The following DPP6 variants were observed in gnomAD, a reference collection of about 807,000 sequenced individuals.
DPP6 encodes dipeptidyl peptidase like 6.
DPP6 carries 69 observed loss-of-function variants against 122.6 expected under a neutral mutation model. The observed-to-expected ratio is 0.56, with a 90% CI of 0.46 to 0.69. The LOEUF is 0.69. Ranked by LOEUF, DPP6 falls within the 30% of genes least tolerant of loss-of-function variation. The pLI, the probability that DPP6 is intolerant of heterozygous loss-of-function variation, is 0.00. For synonymous variants in DPP6, 418 were observed against 433.1 expected (o/e 0.97, Z 0.43); for missense variants, 928 against 1,116.9 (o/e 0.83, Z 2.41).
chr7:154,860,181 GCGC>G (rs1803254735), intron 17 of DPP6, among the ~76,000 whole-genome samples: 1 of 152,136 alleles, frequency 6.6e-6, no homozygotes, highest in East Asian at 1.9e-4. Flanking sequence ...GTGCTGCTGG[GCGC>G]ACCCCTGCCC....
chr7:154,151,736 G>A (rs544372905), intron 1 of DPP6, among the ~76,000 whole-genome samples: 87 of 151,750 alleles, frequency 5.7e-4, no homozygotes, highest in South Asian at 1.9e-3. Context: ...AGTGCCTCCC[G>A]TCTCCCCTAC....
At chr7:154,711,594 T>G (rs1220980255) in intron 7 of DPP6, among the ~76,000 whole-genome samples, 2 of 152,242 alleles carry the variant, frequency 1.3e-5, no homozygotes, top group Non-Finnish European at 2.9e-5. Context: ...AATAACCTGC[T>G]CACAGCTGGA....
intron 10 of DPP6, among the ~76,000 whole-genome samples, chr7:154,783,415 G>A (rs1797147228): frequency 6.6e-6 from 1 of 152,136 alleles, no homozygotes; most frequent in African/African-American, 2.4e-5. Context: ...TGTATGACAC[G>A]AGATGTGTCA....
At chr7:153,950,989 T>A (rs904678403) in intron 1 of DPP6, among the ~76,000 whole-genome samples, 8 of 152,068 alleles carry the variant, frequency 5.3e-5, no homozygotes, top group Non-Finnish European at 1.2e-4. Flanking sequence ...GGTGAGCAGA[T>A]AGTCTTCCCT....
At chr7:153,970,231 G>T (rs937885106) in intron 1 of DPP6, among the ~76,000 whole-genome samples, 1 of 152,112 alleles carries the variant, frequency 6.6e-6, no homozygotes, top group Non-Finnish European at 1.5e-5. Flanking sequence ...TATGTTTAAC[G>T]TTATTAGAAA....
intron 5 of DPP6, among the ~76,000 whole-genome samples, chr7:154,622,839 GT>G (rs1342367316): frequency 1.3e-5 from 2 of 152,198 alleles, no homozygotes; most frequent in Admixed American, 6.5e-5. Flanking sequence ...ATTTTTGCCT[GT>G]TAGATTCCAG....
chr7:154,102,999 A>G (rs1276277397), intron 1 of DPP6, among the ~76,000 whole-genome samples: 1 of 152,068 alleles, frequency 6.6e-6, no homozygotes, highest in Non-Finnish European at 1.5e-5. Context: ...CACAAAGGCC[A>G]GCCCCATGGG....
chr7:154,470,381 C>A (rs1383665892), intron 2 of DPP6, among the ~76,000 whole-genome samples: 1 of 152,174 alleles, frequency 6.6e-6, no homozygotes, highest in Non-Finnish European at 1.5e-5. Flanking sequence ...AAATTGCTCA[C>A]AAAAGCAGAA....
At chr7:154,293,364 T>A (rs1472296955) in intron 1 of DPP6, among the ~76,000 whole-genome samples, 1 of 152,310 alleles carries the variant, frequency 6.6e-6, no homozygotes, top group East Asian at 1.9e-4. Flanking sequence ...GATTCAGTGA[T>A]CCCCAAGTGT....
At chr7:154,171,709 A>T (rs1158055546) in intron 1 of DPP6, among the ~76,000 whole-genome samples, 1 of 152,126 alleles carries the variant, frequency 6.6e-6, no homozygotes, top group Non-Finnish European at 1.5e-5. Context: ...CCACGTGGAC[A>T]GGGTGCTGGT....
chr7:153,803,782 T>C, the DPP6 span, among the ~76,000 whole-genome samples: 2 of 151,708 alleles, frequency 1.3e-5, no homozygotes, highest in Non-Finnish European at 2.9e-5. Flanking sequence ...TATGGAGATA[T>C]ACACAAACAG....
intron 1 of DPP6, among the ~76,000 whole-genome samples, chr7:154,411,595 C>A (rs1447480360): frequency 6.6e-6 from 1 of 152,278 alleles, no homozygotes; most frequent in East Asian, 1.9e-4. Flanking sequence ...CAGTTGCAAA[C>A]CCAAATCTAT....
At chr7:154,265,686 G>T (rs981748644) in intron 1 of DPP6, among the ~76,000 whole-genome samples, 4 of 152,124 alleles carry the variant, frequency 2.6e-5, no homozygotes, top group African/African-American at 9.7e-5. Flanking sequence ...TTTGGTCAAA[G>T]AATTTTCTTG....
At chr7:154,535,074 A>T (rs976264125) in intron 3 of DPP6, among the ~76,000 whole-genome samples, 14 of 144,972 alleles carry the variant, frequency 9.7e-5, no homozygotes, top group African/African-American at 3.8e-4. Flanking sequence ...ATACATTTTC[A>T]ATTCATTTTT....
intron 6 of DPP6, among the ~76,000 whole-genome samples, chr7:154,642,606 C>CA (rs1204057239): frequency 1.3e-5 from 2 of 148,356 alleles, no homozygotes; most frequent in African/African-American, 5.0e-5. Context: ...CAAAACAAAA[C>CA]AAAAAAATTA....
intron 1 of DPP6, among the ~76,000 whole-genome samples, chr7:154,352,286 A>T (rs1810926054): frequency 6.6e-6 from 1 of 151,994 alleles, no homozygotes; most frequent in Non-Finnish European, 1.5e-5. Context: ...ACACAGTGAG[A>T]CATCATCTCT....
In DPP6 at chr7:154,821,865, A is replaced by C. The variant is rs1218806719; in HGVS notation, c.1666+14753A>C. Among the ~76,000 whole-genome samples, 1 of 152,118 alleles carries C rather than the reference A, an allele frequency of 6.6e-6. No individual in the cohort carries two copies. Among genetic ancestry groups the C allele is most frequent in the African/African-American group, 2.4e-5 (1 of 41,410 alleles). ...TAATTAAGAGATACAGGTCCAAGTT[A>C]CAGCCTCTTGTTAATCACCGTCATC... On this transcript the variant is annotated intron_variant, in intron 16 of 25. Coordinates refer to ENST00000377770, the MANE Select transcript of DPP6 (RefSeq NM_130797.4). The surrounding 1 kb of genome is among the most constrained non-coding windows in gnomAD (Gnocchi z 4.2).
the DPP6 span, among the ~76,000 whole-genome samples, chr7:153,826,729 C>T: frequency 2.6e-5 from 4 of 152,040 alleles, no homozygotes; most frequent in Non-Finnish European, 4.4e-5. Flanking sequence ...AATATGGCTT[C>T]CATATGCACT....
chr7:154,763,238 A>G lies in DPP6; in HGVS notation c.884-6179A>G, dbSNP rs1795673377. Among the ~76,000 whole-genome samples the G allele has an allele frequency of 2.0e-5, 3 of 152,324 alleles. No homozygotes were observed. The South Asian group carries it at 6.2e-4, about 32-fold the overall frequency. ...TCCTAGCTACTCAGAAGGCTGAGGC[A>G]GGAGAATCACTTGAACCTGGGAGGC... On this transcript the variant is annotated intron_variant, in intron 8 of 25. Coordinates refer to ENST00000377770, the MANE Select transcript of DPP6 (RefSeq NM_130797.4).
Sources: gnomAD v4.1 joint callset for allele counts (sites outside exome capture counted in the v4.1 genomes callset) on GRCh38, gnomAD v4.1.1 for gene constraint, Gnocchi (gnomAD v3.1) non-coding constraint, MANE v1.5 for transcripts, NCBI Gene and HGNC (gene_info 2026-07-23, HGNC 2026-07-21) for gene names.